CEACAM18: variants seen among roughly 807,000 people sequenced by gnomAD.
The protein encoded by CEACAM18 is cell adhesion molecule CEACAM18.
In CEACAM18, 33 loss-of-function variants were observed where a neutral mutation model predicts 34.3. The observed-to-expected ratio is 0.96, with a 90% CI of 0.73 to 1.29. CEACAM18 has a LOEUF of 1.29. Ranked by LOEUF, CEACAM18 falls within the 50% of genes most tolerant of loss-of-function variation. The pLI is 0.00. For synonymous variants in CEACAM18, 169 were observed against 180.9 expected, an observed-to-expected ratio of 0.93 and a Z score of 0.53; for missense variants, 474 against 485.0, an observed-to-expected ratio of 0.98 and a Z score of 0.21.
exon 3 of CEACAM18, chr19:51,481,651 C>T (rs1278269301): frequency 6.2e-7 from 1 of 1,612,086 alleles, no homozygotes; most frequent in Admixed American, 1.7e-5. Flanking sequence ...GAACGCATCT[C>T]TCTGACTGTG....
intron 4 of CEACAM18, 143 bp from the exon 5 acceptor site, chr19:51,484,841 TGAA>T (rs1989974170): frequency 1.0e-6 from 1 of 1,002,354 alleles, no homozygotes; most frequent in African/African-American, 1.6e-5. Flanking sequence ...TGTTGGCTGC[TGAA>T]TCCCTCGTAC....
intron 5 of CEACAM18, among the ~76,000 whole-genome samples, chr19:51,485,917 G>A (rs373030404): frequency 9.9e-5 from 15 of 152,202 alleles, no homozygotes; most frequent in East Asian, 7.7e-4. Flanking sequence ...TAGACACTAT[G>A]AAGATCACAT....
At chr19:51,482,216 C>A (rs1198833160) in intron 3 of CEACAM18, among the ~76,000 whole-genome samples, 1 of 152,014 alleles carries the variant, frequency 6.6e-6, no homozygotes, top group East Asian at 1.9e-4. Flanking sequence ...AGTTCACCAC[C>A]CAGGAAGACC....
intron 5 of CEACAM18, among the ~76,000 whole-genome samples, chr19:51,487,554 C>T (rs981646961): frequency 3.3e-5 from 5 of 152,202 alleles, no homozygotes; most frequent in African/African-American, 1.2e-4. Flanking sequence ...ATCATCAGGT[C>T]GGGAGTTCGA....
exon 3 of CEACAM18, chr19:51,481,530 C>G: frequency 6.2e-7 from 1 of 1,613,936 alleles, no homozygotes; most frequent in Non-Finnish European, 8.5e-7. Flanking sequence ...TAGTAGTGAC[C>G]GGATGACAAT....
At chr19:51,481,770 G>C in intron 3 of CEACAM18, 105 bp downstream of exon 3, 1 of 1,218,346 alleles carries the variant, frequency 8.2e-7, no homozygotes, top group Admixed American at 2.7e-5. Context: ...GGGCATCCTG[G>C]GCCAGCCTGC....
exon 3 of CEACAM18, chr19:51,481,610 A>G (rs781679699): frequency 6.2e-7 from 1 of 1,613,784 alleles, no homozygotes; most frequent in East Asian, 2.2e-5. Context: ...AGTGCATGAT[A>G]GAGAGTTTCC....
At chr19:51,486,511 G>A (rs1285861185) in intron 5 of CEACAM18, among the ~76,000 whole-genome samples, 1 of 151,818 alleles carries the variant, frequency 6.6e-6, no homozygotes, top group Non-Finnish European at 1.5e-5. Context: ...TAAGACTGTA[G>A]TAGGAGCAGC....
At chr19:51,481,699 G>A in intron 3 of CEACAM18, 34 bp downstream of exon 3, 1 of 1,591,118 alleles carries the variant, frequency 6.3e-7, no homozygotes, top group Non-Finnish European at 8.6e-7. Context: ...CTGAAGCCAG[G>A]GCTGGTCTCA....
At position 51,487,586 on chromosome 19, in the gene CEACAM18, G is replaced by A. The variant is rs1158423496; in HGVS notation, c.1089+2464G>A. Among the ~76,000 whole-genome samples the A allele has an allele frequency of 2.6e-5, 4 of 152,142 alleles. No individual in the cohort carries two copies. The East Asian group carries it at 7.7e-4, about 29-fold the overall frequency. ...TCGAGACCAGCCTGGCCAACATAGT[G>A]AAATCCCGTCTCTACTAAAAATACA... On this transcript the variant is annotated intron_variant, in intron 5 of 5. Transcript: ENST00000396477.
chr19:51,485,011 A>T (rs1276557646), exon 5 of CEACAM18: 1 of 1,536,016 alleles, frequency 6.5e-7, no homozygotes, highest in East Asian at 2.4e-5. Context: ...GTCCACAGAG[A>T]TTTCTCCATC....
At chr19:51,484,568 T>C (rs62115076) in intron 4 of CEACAM18, among the ~76,000 whole-genome samples, 29,790 of 152,056 alleles carry the variant, frequency 0.2, 3,061 homozygotes, top group Middle Eastern at 0.36. Flanking sequence ...GTGATCCACC[T>C]TGGGCGAGCT....
chr19:51,487,421 C>T (rs1990023087), intron 5 of CEACAM18, among the ~76,000 whole-genome samples: 1 of 152,070 alleles, frequency 6.6e-6, no homozygotes, highest in Non-Finnish European at 1.5e-5. Context: ...GCTCAGTGAG[C>T]CGAGATCGTG....
chr19:51,489,941 C>G (rs1258939188), intron 5 of CEACAM18, among the ~76,000 whole-genome samples: 1 of 152,204 alleles, frequency 6.6e-6, no homozygotes, highest in Non-Finnish European at 1.5e-5. Flanking sequence ...TCTTCCACCA[C>G]CTGGAAGAAC....
intron 5 of CEACAM18, among the ~76,000 whole-genome samples, chr19:51,488,976 A>G (rs1434118765): frequency 6.6e-6 from 1 of 151,850 alleles, no homozygotes; most frequent in African/African-American, 2.4e-5. Context: ...GAAGAAATTG[A>G]AACATTTTTG....
At chr19:51,488,104 C>T (rs1037931274) in intron 5 of CEACAM18, among the ~76,000 whole-genome samples, 15 of 152,132 alleles carry the variant, frequency 9.9e-5, no homozygotes, top group African/African-American at 3.4e-4. Context: ...TCCCTCACCC[C>T]AACCCCAGGA....
At chr19:51,490,552 T>C in intron 5 of CEACAM18, 35 bp from the exon 6 acceptor site, 1 of 1,231,924 alleles carries the variant, frequency 8.1e-7, no homozygotes, top group Non-Finnish European at 1.0e-6. Context: ...CTTAGGGACC[T>C]GAGATGTGGC....
intron 2 of CEACAM18, 95 bp downstream of exon 2, chr19:51,480,775 T>A: frequency 8.5e-7 from 1 of 1,177,086 alleles, no homozygotes; most frequent in Admixed American, 2.5e-5. Context: ...ACACCGGGAG[T>A]GGAAATCACG....
upstream of CEACAM18, chr19:51,478,605 T>C (rs374609909): frequency 1.1e-4 from 172 of 1,567,186 alleles, no homozygotes; most frequent in African/African-American, 1.8e-3. Context: ...GCTGTGTCTC[T>C]GGAGGGACCC....
Sources: gnomAD v4.1 joint callset for allele counts (sites outside exome capture counted in the v4.1 genomes callset) on GRCh38, gnomAD v4.1.1 for gene constraint, MANE v1.5 for transcripts, NCBI Gene and HGNC (gene_info 2026-07-23, HGNC 2026-07-21) for gene names.